Variants in FAM118B observed in about 807,000 individuals in gnomAD.
FAM118B encodes the protein SIR2 antiphage like 1, also known as protein FAM118B.
FAM118B carries 24 observed loss-of-function variants against 38.5 expected under a neutral mutation model. The observed-to-expected ratio is 0.62, with a 90% confidence interval of 0.45 to 0.88. The LOEUF (loss-of-function observed/expected upper bound fraction) is 0.88, where lower values mean the gene tolerates loss of function less well. FAM118B is among the 40% of genes least tolerant of loss of function. The probability of loss-of-function intolerance (pLI) is 0.00; values close to 1 mark genes in which losing one functional copy is unlikely to be tolerated. For missense variants in FAM118B, 334 were observed against 420.0 expected (o/e 0.80, Z 1.79); for synonymous variants, 138 against 156.3 (o/e 0.88, Z 0.87).
At chr11:126,258,670 A>G (rs900112270) in intron 7 of FAM118B, among the ~76,000 whole-genome samples, 3 of 152,160 alleles carry the variant, frequency 2.0e-5, no homozygotes, top group Non-Finnish European at 4.4e-5. Context: ...GTTTGCCCAC[A>G]CTTGAGACTT....
intron 7 of FAM118B, among the ~76,000 whole-genome samples, chr11:126,258,185 CAGG>C (rs1038660294): frequency 3.3e-5 from 5 of 152,124 alleles, no homozygotes; most frequent in African/African-American, 1.2e-4. Context: ...CACTTGAGGC[CAGG>C]AGTTCAAGAT....
intron 3 of FAM118B, among the ~76,000 whole-genome samples, chr11:126,239,693 T>C (rs755782539): frequency 2.1e-4 from 32 of 152,178 alleles, no homozygotes; most frequent in Non-Finnish European, 3.7e-4. Context: ...TTTGTATTTT[T>C]AGTAGACACA....
chr11:126,235,224 T>C lies in FAM118B; in HGVS notation c.86+137T>C, dbSNP rs1950258330. ...CATACTCAAAATTAAATTGTTTTTA[T>C]TTTGGGTTTAATTTTTATTTTTTAT... is the stretch of plus-strand genomic sequence containing the variant. On this transcript the variant is annotated intron_variant, in intron 3 of 8. Transcript: ENST00000533050. 5.4e-6 allele frequency: 4 copies of C among 739,112 alleles called. No homozygotes were observed. In the South Asian group the frequency reaches 7.7e-5, roughly 14 times the overall value. 45.8% of individuals were successfully genotyped at this position (739,112 alleles called of 1,614,324 possible). A position where few individuals can be genotyped will look rare whatever the true frequency, so the allele number is the denominator to read the frequency against.
intron 1 of FAM118B, among the ~76,000 whole-genome samples, chr11:126,222,916 G>T (rs1177073170): frequency 1.3e-5 from 2 of 152,206 alleles, no homozygotes; most frequent in Admixed American, 1.3e-4. Context: ...GCCAATAATT[G>T]CAAGTACTGT....
chr11:126,219,856 TAAAAAA>T (rs10707118), intron 1 of FAM118B, among the ~76,000 whole-genome samples: 2 of 144,994 alleles, frequency 1.4e-5, no homozygotes, highest in East Asian at 2.0e-4. Context: ...AAAATTAACT[TAAAAAA>T]AAAAAAAAAG....
At position 126,262,233 on chromosome 11, in the gene FAM118B, AAAGT is replaced by A; in HGVS notation, c.*103_*106del. On this transcript the variant is annotated 3_prime_UTR_variant, in exon 9 of 9. Transcript: ENST00000533050. The stretch of plus-strand genomic sequence containing the variant: ...TACAAGAACCCAACACAATTCCCAG[AAAGT>A]AACAATAGCCAGAGGTTGAAGGGCG... The A allele has an allele frequency of 7.4e-7, 1 of 1,349,220 alleles. No individual in the cohort carries two copies. Among genetic ancestry groups the A allele is most frequent in the South Asian group, 1.2e-5 (1 of 84,004 alleles). 83.6% of individuals were successfully genotyped at this position (1,349,220 alleles called of 1,614,324 possible).
At position 126,256,871 on chromosome 11, in the gene FAM118B, C is replaced by T; in HGVS notation, c.982+19C>T. 1 of 1,594,756 alleles carries T rather than the reference C, an allele frequency of 6.3e-7. No homozygotes were observed. On this transcript the variant is annotated intron_variant, in intron 7 of 8. Coordinates refer to ENST00000533050, the MANE Select transcript of FAM118B (RefSeq NM_024556.4). This position sits in a 1 kb window ranked among gnomAD's most constrained non-coding sequence, Gnocchi z 6.6. ...ACATCAGGTAAGATGCATTTTGAAGCTGAGGGGAATCAGAGAACAACAGCT... is the reference window on the plus strand; with the variant it reads ...ACATCAGGTAAGATGCATTTTGAAGTTGAGGGGAATCAGAGAACAACAGCT...
At chr11:126,220,500 G>A (rs1224337135) in intron 1 of FAM118B, among the ~76,000 whole-genome samples, 5 of 152,052 alleles carry the variant, frequency 3.3e-5, no homozygotes, top group Non-Finnish European at 4.4e-5. Context: ...TGCTTGACAA[G>A]GCCAGGAGTT....
intron 4 of FAM118B, among the ~76,000 whole-genome samples, chr11:126,243,080 T>C (rs945990720): frequency 3.9e-5 from 6 of 152,178 alleles, no homozygotes; most frequent in Non-Finnish European, 7.4e-5. Context: ...TTGAAAACAT[T>C]AAGTAAAAGA....
Position 126,255,088 on chromosome 11 carries a change from A to C in FAM118B, c.696+655A>C, listed in dbSNP as rs1950556815. Among the ~76,000 whole-genome samples the C allele has an allele frequency of 1.3e-5, 2 of 152,226 alleles. No individual in the cohort carries two copies. Among genetic ancestry groups the C allele is most frequent in the African/African-American group, 2.4e-5 (1 of 41,464 alleles). ...GAAATAATTGAGGCAGCTTCTTAACAAACCAACCACTACTAGAGAATACAT... is the reference window on the plus strand; with the variant it reads ...GAAATAATTGAGGCAGCTTCTTAACCAACCAACCACTACTAGAGAATACAT... On this transcript the variant is annotated intron_variant, in intron 6 of 8. Coordinates refer to ENST00000533050, the MANE Select transcript of FAM118B (RefSeq NM_024556.4). The surrounding 1 kb of genome is among the most constrained non-coding windows in gnomAD (Gnocchi z 4.6).
chr11:126,233,647 T>G (rs1169749840), intron 2 of FAM118B: 2 of 440,212 alleles, frequency 4.5e-6, no homozygotes, highest in East Asian at 1.4e-4. Flanking sequence ...AACTCACTAC[T>G]GTGACTGTAT....
At chr11:126,238,972 C>CTTTT (rs533350695) in intron 3 of FAM118B, among the ~76,000 whole-genome samples, 1 of 129,878 alleles carries the variant, frequency 7.7e-6, no homozygotes, top group Non-Finnish European at 1.6e-5. Context: ...AAGTGGAAGT[C>CTTTT]TTTTTTTTTT....
chr11:126,245,927 C>T (rs563577371), intron 4 of FAM118B, among the ~76,000 whole-genome samples: 8 of 149,382 alleles, frequency 5.4e-5, no homozygotes, highest in Non-Finnish European at 1.0e-4. Context: ...ACCCGGGAGG[C>T]GGAGGTTGCA....
chr11:126,212,474 G>T (rs879624705), intron 1 of FAM118B, among the ~76,000 whole-genome samples: 1 of 152,134 alleles, frequency 6.6e-6, no homozygotes, highest in Admixed American at 6.5e-5. Context: ...TCCCTTGCCC[G>T]AACTGCAGGC....
At chr11:126,247,892 T>G (rs1019273762) in intron 4 of FAM118B, among the ~76,000 whole-genome samples, 62 of 145,610 alleles carry the variant, frequency 4.3e-4, no homozygotes, top group African/African-American at 1.5e-3. Flanking sequence ...TATATATATA[T>G]ATAGATATAC....
rs1019280321 is a variant in FAM118B at position 126,253,749 on chromosome 11, C to T, written c.568-556C>T. Among the ~76,000 whole-genome samples the T allele has an allele frequency of 6.6e-6, 1 of 152,178 alleles. No homozygotes were observed. The highest frequency in any genetic ancestry group is 1.5e-5 in the Non-Finnish European group (1 of 68,040). On this transcript the variant is annotated intron_variant, in intron 5 of 8. Coordinates refer to ENST00000533050, the MANE Select transcript of FAM118B (RefSeq NM_024556.4). This position sits in a 1 kb window ranked among gnomAD's most constrained non-coding sequence, Gnocchi z 5.1. Reference sequence around the variant, plus strand: ...CCATACTTCCCTGCAAGCAATTGGCCAGGCCATATATGTCCCAGCAGGCTA... The same window carrying T: ...CCATACTTCCCTGCAAGCAATTGGCTAGGCCATATATGTCCCAGCAGGCTA...
chr11:126,223,977 A>G (rs1220842122), intron 1 of FAM118B, among the ~76,000 whole-genome samples: 1 of 152,246 alleles, frequency 6.6e-6, no homozygotes, highest in Non-Finnish European at 1.5e-5. Flanking sequence ...TCCATTTAAA[A>G]ACTAACATGG....
At chr11:126,245,974 C>T (rs1353498176) in intron 4 of FAM118B, among the ~76,000 whole-genome samples, 1 of 143,110 alleles carries the variant, frequency 7.0e-6, no homozygotes, top group Non-Finnish European at 1.5e-5. Flanking sequence ...CCAGCCTGGG[C>T]AACAGGTACG....
rs1041433583 is a variant in FAM118B, at chr11:126,224,751, T to C, written c.-76-4474T>C. On this transcript the variant is annotated intron_variant, in intron 1 of 8. Coordinates refer to ENST00000533050, the MANE Select transcript of FAM118B (RefSeq NM_024556.4). ...CAAGGTCGGGGTGTACCAGGCCTGT[T>C]TGAGGAACAGTGAAGAGGCCAGCGT... is the stretch of plus-strand genomic sequence containing the variant. 3.9e-5 allele frequency among the ~76,000 whole-genome samples: 6 copies of C among 152,194 alleles called. No homozygotes were observed. The South Asian group carries it at 1.2e-3, about 31-fold the overall frequency.
Sources: allele counts gnomAD v4.1 joint callset (sites outside exome capture counted in the v4.1 genomes callset), GRCh38; gene constraint gnomAD v4.1.1; non-coding constraint Gnocchi (gnomAD v3.1); transcripts MANE v1.5; gene names NCBI Gene and HGNC (gene_info 2026-07-23, HGNC 2026-07-21).